The following AGMO variants were observed in gnomAD, a reference collection of about 807,000 sequenced individuals.
AGMO encodes the protein alkylglycerol monooxygenase, also known as glyceryl-ether monooxygenase.
A neutral mutation model predicts 60.2 loss-of-function variants in AGMO; 75 were observed. The observed-to-expected ratio is 1.25, with a 90% confidence interval of 1.03 to 1.51. The LOEUF (loss-of-function observed/expected upper bound fraction) is 1.51, where lower values mean the gene tolerates loss of function less well. Among genes scored for constraint, AGMO ranks in the 40% most tolerant of loss-of-function variants. The pLI is 0.00. For missense variants in AGMO, 763 were observed against 525.5 expected (o/e 1.45, Z -4.42); for synonymous variants, 261 against 177.1 (o/e 1.47, Z -3.76).
At chr7:15,383,692 C>G (rs920287679) in intron 10 of AGMO, among the ~76,000 whole-genome samples, 2 of 151,970 alleles carry the variant, frequency 1.3e-5, no homozygotes, top group African/African-American at 4.8e-5. Context: ...GAGTTTTTAA[C>G]TAGATAGACT....
chr7:15,135,291 G>A, the AGMO span, among the ~76,000 whole-genome samples: 1 of 151,830 alleles, frequency 6.6e-6, no homozygotes, highest in Non-Finnish European at 1.5e-5. Flanking sequence ...TCTGAAAATG[G>A]AACCCGGGAA....
At chr7:15,270,291 A>G (rs1783556528) in intron 12 of AGMO, among the ~76,000 whole-genome samples, 1 of 151,944 alleles carries the variant, frequency 6.6e-6, no homozygotes, top group Admixed American at 6.6e-5. Flanking sequence ...TTGACTTTGT[A>G]TTATTATTTT....
At chr7:15,391,916 A>G (rs1562482046) in intron 6 of AGMO, among the ~76,000 whole-genome samples, 1 of 152,172 alleles carries the variant, frequency 6.6e-6, no homozygotes, top group African/African-American at 2.4e-5. Context: ...TCCACAACAA[A>G]GAAATATCTG....
chr7:15,383,986 A>T (rs1222757834), intron 10 of AGMO, among the ~76,000 whole-genome samples: 2 of 151,854 alleles, frequency 1.3e-5, no homozygotes, highest in African/African-American at 2.4e-5. Context: ...CCCAGGCTGG[A>T]GTGCAGTGGC....
rs150541524 is a variant in AGMO, at chr7:15,222,554, G to C, written c.1264-21195C>G. 2.0e-5 allele frequency among the ~76,000 whole-genome samples: 3 copies of C among 152,076 alleles called. No homozygotes were observed. In the East Asian group the frequency reaches 5.8e-4, roughly 29 times the overall value. On this transcript the variant is annotated intron_variant, in intron 12 of 12. Coordinates refer to ENST00000342526, the MANE Select transcript of AGMO (RefSeq NM_001004320.2). ...CATTAGAAATGGTCAGTAGTTATTAGCAACCATACCTGTATATTTCTTTAT... is the reference window on the plus strand; with the variant it reads ...CATTAGAAATGGTCAGTAGTTATTACCAACCATACCTGTATATTTCTTTAT...
chr7:15,546,302 T>A (rs2115284009), intron 2 of AGMO, among the ~76,000 whole-genome samples: 1 of 152,236 alleles, frequency 6.6e-6, no homozygotes, highest in Non-Finnish European at 1.5e-5. Context: ...GGAGTACACA[T>A]CACCACACAT....
At chr7:15,134,817 A>G in the AGMO span, among the ~76,000 whole-genome samples, 1 of 151,702 alleles carries the variant, frequency 6.6e-6, no homozygotes, top group Non-Finnish European at 1.5e-5. Flanking sequence ...AACATAAAAG[A>G]TTTTCTGTAA....
intron 12 of AGMO, among the ~76,000 whole-genome samples, chr7:15,265,472 C>A (rs1783404638): frequency 6.6e-6 from 1 of 151,868 alleles, no homozygotes; most frequent in Non-Finnish European, 1.5e-5. Context: ...ACAGAATAGA[C>A]CAAAGACTGA....
At chr7:15,468,742 C>T (rs918663645) in intron 3 of AGMO, among the ~76,000 whole-genome samples, 4 of 152,124 alleles carry the variant, frequency 2.6e-5, no homozygotes, top group Non-Finnish European at 5.9e-5. Flanking sequence ...GAAGTTTTAT[C>T]TACAAGAGGT....
chr7:15,126,429 T>C, the AGMO span, among the ~76,000 whole-genome samples: 2 of 152,114 alleles, frequency 1.3e-5, no homozygotes, highest in East Asian at 1.9e-4. Flanking sequence ...TGTGCTCTAT[T>C]ACTGCCTGTA....
rs1784478900 is a variant in AGMO, at chr7:15,398,903, A to G, written c.610-4724T>C. On this transcript the variant is annotated intron_variant, in intron 5 of 12. Coordinates refer to ENST00000342526, the MANE Select transcript of AGMO (RefSeq NM_001004320.2). ...CATAAAGCCTTTCCGATTTCAGCTCATGAATCTTTCTACTTATCCATCATA... is the reference window on the plus strand; with the variant it reads ...CATAAAGCCTTTCCGATTTCAGCTCGTGAATCTTTCTACTTATCCATCATA... Among the ~76,000 whole-genome samples, 8 of 152,196 alleles carry G rather than the reference A, an allele frequency of 5.3e-5. No homozygotes were observed. In the South Asian group the frequency reaches 1.7e-3, roughly 31 times the overall value.
At chr7:15,247,453 CACACACAG>C (rs1421227403) in intron 12 of AGMO, among the ~76,000 whole-genome samples, 4 of 117,572 alleles carry the variant, frequency 3.4e-5, no homozygotes, top group African/African-American at 1.5e-4. Flanking sequence ...CACACACACA[CACACACAG>C]AGAGAGAGAG....
the AGMO span, among the ~76,000 whole-genome samples, chr7:15,149,240 T>C: frequency 2.0e-5 from 3 of 152,210 alleles, no homozygotes; most frequent in African/African-American, 7.2e-5. Context: ...GCATGGTTTG[T>C]AAATATTTTC....
intron 12 of AGMO, among the ~76,000 whole-genome samples, chr7:15,266,193 G>C (rs1203626697): frequency 6.6e-6 from 1 of 151,938 alleles, no homozygotes; most frequent in East Asian, 1.9e-4. Flanking sequence ...TGTTTAATAG[G>C]TATAGTTATT....
chr7:15,523,011 C>T (rs997666429), intron 3 of AGMO, among the ~76,000 whole-genome samples: 1 of 151,860 alleles, frequency 6.6e-6, no homozygotes, highest in Non-Finnish European at 1.5e-5. Flanking sequence ...AAAAAAACAA[C>T]CTTATCAAAA....
intron 6 of AGMO, among the ~76,000 whole-genome samples, chr7:15,392,797 T>C (rs1784200053): frequency 9.2e-6 from 1 of 108,290 alleles, no homozygotes; most frequent in Non-Finnish European, 1.9e-5. Context: ...AGACTCTGTC[T>C]CAAAACAAAC....
the AGMO span, among the ~76,000 whole-genome samples, chr7:15,123,903 C>T: frequency 4.6e-5 from 7 of 152,024 alleles, no homozygotes; most frequent in Admixed American, 1.3e-4. Flanking sequence ...GTACGCTTTG[C>T]TGGGACAGGT....
chr7:15,394,781 C>A (rs1014502375), intron 5 of AGMO, among the ~76,000 whole-genome samples: 1 of 152,144 alleles, frequency 6.6e-6, no homozygotes. Flanking sequence ...TTAGGGTGAT[C>A]CTACTTATTC....
At chr7:15,322,797 G>GA (rs1234279182) in intron 12 of AGMO, among the ~76,000 whole-genome samples, 47 of 134,186 alleles carry the variant, frequency 3.5e-4, no homozygotes, top group South Asian at 1.1e-3. Context: ...CCTGATACAG[G>GA]AAAAAATATG....
Sources: gnomAD v4.1 joint callset for allele counts (sites outside exome capture counted in the v4.1 genomes callset) on GRCh38, gnomAD v4.1.1 for gene constraint, MANE v1.5 for transcripts, NCBI Gene and HGNC (gene_info 2026-07-23, HGNC 2026-07-21) for gene names.